The following ZNF236 variants were observed in gnomAD, a reference collection of about 807,000 sequenced individuals.
The protein encoded by ZNF236 is regulated by glucose.
ZNF236 carries 50 observed loss-of-function variants against 191.2 expected under a neutral mutation model. The ratio of observed to expected loss-of-function variants is 0.26; its 90% CI spans 0.21 to 0.33. ZNF236 has a LOEUF of 0.33. ZNF236 is among the 10% of genes least tolerant of loss of function. ZNF236 has a pLI of 1.00. For synonymous variants in ZNF236, 907 were observed against 928.8 expected (o/e 0.98, Z 0.43); for missense variants, 1,754 against 2,374.5 (o/e 0.74, Z 5.43).
At chr18:76,904,912 G>C (rs1977697408) in intron 12 of ZNF236, among the ~76,000 whole-genome samples, 1 of 152,178 alleles carries the variant, frequency 6.6e-6, no homozygotes, top group African/African-American at 2.4e-5. Context: ...CATGAAAAAA[G>C]TATAGAACTT....
rs753917729 is a variant in ZNF236, at chr18:76,912,251, G to T, written c.2813G>T (p.Arg938Leu). 7 of 1,612,886 alleles carry T rather than the reference G, an allele frequency of 4.3e-6. No homozygotes were observed. Among genetic ancestry groups the T allele is most frequent in the Non-Finnish European group, 5.9e-6 (7 of 1,179,518 alleles). Reference protein sequence around the residue: ...PSSDGMNVTTRLIQESSQEEL... With the variant: ...PSSDGMNVTTLLIQESSQEEL... ...ACTTCTCTTAAATTTTAGACAACTCGCTTGATTCAGGAGTCATCCCAAGAG... is the reference window on the plus strand; with the variant it reads ...ACTTCTCTTAAATTTTAGACAACTCTCTTGATTCAGGAGTCATCCCAAGAG... The change falls in exon 17 of 31, where the codon CGC becomes CTC. Residue 938 changes from arginine (R) to leucine (L), a missense_variant. Around this residue, in one of 5 missense-constraint regions of ZNF236, gnomAD observed 641 missense variants for 869.6 expected, o/e 0.74. Coordinates refer to ENST00000320610, the MANE Select transcript of ZNF236 (RefSeq NM_001306089.2).
intron 17 of ZNF236, among the ~76,000 whole-genome samples, chr18:76,913,344 C>T (rs1293537126): frequency 1.3e-5 from 2 of 152,120 alleles, no homozygotes; most frequent in Non-Finnish European, 1.5e-5. Context: ...TGACTAGATA[C>T]AGGAGTGATT....
intron 1 of ZNF236, among the ~76,000 whole-genome samples, chr18:76,840,478 G>C (rs1223528236): frequency 6.6e-6 from 1 of 151,350 alleles, no homozygotes; most frequent in Admixed American, 6.6e-5. Flanking sequence ...TGGGCAACAA[G>C]AGTGAAACTC....
chr18:76,824,683 A>AC (rs778822725), intron 1 of ZNF236, among the ~76,000 whole-genome samples: 6 of 152,092 alleles, frequency 3.9e-5, no homozygotes, highest in Non-Finnish European at 8.8e-5. Flanking sequence ...TCCCCATCTC[A>AC]CCGATGGTAT....
At chr18:76,904,096 C>T (rs1391022939) in intron 11 of ZNF236, among the ~76,000 whole-genome samples, 4 of 150,788 alleles carry the variant, frequency 2.7e-5, no homozygotes, top group Non-Finnish European at 5.9e-5. Flanking sequence ...CTAGATATTT[C>T]TCATGTTTAA....
chr18:76,970,272 GTTGT>G lies in ZNF236; in HGVS notation c.*1936_*1939del, dbSNP rs976220573. On this transcript the variant is annotated 3_prime_UTR_variant, in exon 31 of 31. Transcript: ENST00000320610. ...TCATCTCAGGACATCTCTAAAAGGG[GTTGT>G]TTAATTCCTAATTGTATAGAAAGCT... The G allele has an allele frequency of 1.3e-5, 2 of 152,588 alleles. No individual in the cohort carries two copies. Among genetic ancestry groups the G allele is most frequent in the African/African-American group, 2.4e-5 (1 of 41,456 alleles). 9.5% of individuals were successfully genotyped at this position (152,588 alleles called of 1,614,324 possible). A position where few individuals can be genotyped will look rare whatever the true frequency, so the allele number is the denominator to read the frequency against.
rs569160971 is a variant in ZNF236, at chr18:76,879,867, T to A, written c.985-246T>A. The stretch of plus-strand genomic sequence containing the variant: ...GGTTCACGTGCTCAATCTGCCATCT[T>A]GAGTCTCTATGCTCACTGGAAAAAA... On this transcript the variant is annotated intron_variant, in intron 7 of 30. Transcript: ENST00000320610. 2.6e-5 allele frequency among the ~76,000 whole-genome samples: 4 copies of A among 152,306 alleles called. No individual in the cohort carries two copies. The South Asian group carries it at 8.3e-4, about 32-fold the overall frequency.
intron 13 of ZNF236, among the ~76,000 whole-genome samples, chr18:76,906,139 C>T (rs187037156): frequency 0.011 from 1,633 of 152,254 alleles, 11 homozygotes; most frequent in Non-Finnish European, 0.015. Flanking sequence ...GCCTGGATGT[C>T]GTCTACAAAG....
chr18:76,914,782 G>A (rs28515482), intron 18 of ZNF236, among the ~76,000 whole-genome samples: 6,538 of 152,224 alleles, frequency 0.043, 219 homozygotes, highest in African/African-American at 0.095. Flanking sequence ...TTTATCAGAT[G>A]CATGGTGTAC....
intron 1 of ZNF236, among the ~76,000 whole-genome samples, chr18:76,848,543 T>TA: frequency 6.6e-6 from 1 of 152,346 alleles, no homozygotes; most frequent in South Asian, 2.1e-4. Context: ...TGAAAATACT[T>TA]TTAAGTTAAA....
chr18:76,912,423 C>A, intron 17 of ZNF236, 76 bp downstream of exon 17: 1 of 1,018,362 alleles, frequency 9.8e-7, no homozygotes, highest in Non-Finnish European at 1.5e-6. Flanking sequence ...TGCCCCGCTC[C>A]AAGGGCTCTG....
chr18:76,919,719 T>C lies in ZNF236; in HGVS notation c.3275-57T>C. ...ACCTATTTAGTTTTAATTGTTTTGCTAAAAACCTAGGTTTTCTTCATTACG... is the reference window on the plus strand; with the variant it reads ...ACCTATTTAGTTTTAATTGTTTTGCCAAAAACCTAGGTTTTCTTCATTACG... On this transcript the variant is annotated intron_variant, in intron 19 of 30. Coordinates refer to ENST00000320610, the MANE Select transcript of ZNF236 (RefSeq NM_001306089.2). The surrounding 1 kb of genome is among the most constrained non-coding windows in gnomAD (Gnocchi z 5.3). 1 of 1,585,546 alleles carries C rather than the reference T, an allele frequency of 6.3e-7. No homozygotes were observed. The highest frequency in any genetic ancestry group is 8.6e-7 in the Non-Finnish European group (1 of 1,161,828).
At chr18:76,891,132 G>A (rs1177049607) in intron 9 of ZNF236, among the ~76,000 whole-genome samples, 1 of 152,164 alleles carries the variant, frequency 6.6e-6, no homozygotes, top group Non-Finnish European at 1.5e-5. Flanking sequence ...TATCTTATAG[G>A]CAGATTTTTA....
intron 12 of ZNF236, 100 bp downstream of exon 12, chr18:76,904,621 G>A (rs1390810563): frequency 1.4e-5 from 15 of 1,091,536 alleles, no homozygotes; most frequent in African/African-American, 1.6e-5. Context: ...TTAGCTTTTG[G>A]TATTAAAGAT....
At chr18:76,856,598 T>A (rs1177355173) in intron 3 of ZNF236, among the ~76,000 whole-genome samples, 1 of 152,244 alleles carries the variant, frequency 6.6e-6, no homozygotes, top group Non-Finnish European at 1.5e-5. Flanking sequence ...AAGTTTAGCA[T>A]CTTTCCATGT....
At chr18:76,832,739 A>T (rs1340738975) in intron 1 of ZNF236, among the ~76,000 whole-genome samples, 2 of 152,090 alleles carry the variant, frequency 1.3e-5, no homozygotes, top group East Asian at 3.9e-4. Context: ...TAGATTTTTG[A>T]ATCAGCATAT....
intron 1 of ZNF236, among the ~76,000 whole-genome samples, chr18:76,833,239 C>T (rs144249426): frequency 8.7e-4 from 132 of 152,166 alleles, no homozygotes; most frequent in African/African-American, 3.0e-3. Context: ...TCTTCTATAA[C>T]GGTGAATAAA....
intron 25 of ZNF236, chr18:76,936,100 G>A: frequency 2.2e-6 from 1 of 456,782 alleles, no homozygotes; most frequent in South Asian, 1.5e-5. Flanking sequence ...CTGACTCCTA[G>A]GAGAGCGCTG....
intron 9 of ZNF236, among the ~76,000 whole-genome samples, chr18:76,891,842 C>T (rs190031474): frequency 6.6e-6 from 1 of 152,070 alleles, no homozygotes; most frequent in South Asian, 2.1e-4. Context: ...CTGGACTGTT[C>T]TACTCCTCTA....
Sources: allele counts gnomAD v4.1 joint callset (sites outside exome capture counted in the v4.1 genomes callset), GRCh38; gene constraint gnomAD v4.1.1; regional missense constraint gnomAD v4.1.1; non-coding constraint Gnocchi (gnomAD v3.1); transcripts MANE v1.5; gene names NCBI Gene and HGNC (gene_info 2026-07-23, HGNC 2026-07-21).